XYLT1: variants seen among roughly 807,000 people sequenced by gnomAD.
XYLT1 encodes beta-D-xylosyltransferase 1.
In XYLT1, 36 loss-of-function variants were observed where a neutral mutation model predicts 91.3. The observed-to-expected ratio is 0.39, with a 90% confidence interval of 0.30 to 0.52. XYLT1 has a LOEUF of 0.52. Among genes scored for constraint, XYLT1 ranks in the 20% least tolerant of loss-of-function variants. The pLI is 0.68. For missense variants in XYLT1, 1,242 were observed against 1,284.5 expected (o/e 0.97, Z 0.51); for synonymous variants, 588 against 532.0 (o/e 1.11, Z -1.45).
At chr16:17,345,529 A>T (rs939236160) in intron 2 of XYLT1, among the ~76,000 whole-genome samples, 3 of 152,228 alleles carry the variant, frequency 2.0e-5, no homozygotes, top group Admixed American at 6.5e-5. Context: ...GGGGTGACGC[A>T]GCTTGCATTC....
intron 1 of XYLT1, among the ~76,000 whole-genome samples, chr16:17,423,559 C>G (rs192800859): frequency 2.6e-5 from 4 of 152,262 alleles, no homozygotes; most frequent in East Asian, 3.9e-4. Flanking sequence ...TACAACCTCA[C>G]TCCCCTGGGC....
chr16:17,210,655 TC>T (rs902011595), intron 3 of XYLT1, among the ~76,000 whole-genome samples: 36 of 152,150 alleles, frequency 2.4e-4, no homozygotes, highest in African/African-American at 8.7e-4. Context: ...CAAGTGATCT[TC>T]CCCCTTCAGC....
At chr16:17,455,640 T>C (rs2036730933) in intron 1 of XYLT1, among the ~76,000 whole-genome samples, 1 of 151,992 alleles carries the variant, frequency 6.6e-6, no homozygotes, top group Non-Finnish European at 1.5e-5. Context: ...TAGATTTAAA[T>C]TGTTTTCCTC....
At chr16:17,202,616 C>T (rs918961526) in intron 3 of XYLT1, among the ~76,000 whole-genome samples, 2 of 152,158 alleles carry the variant, frequency 1.3e-5, no homozygotes, top group Non-Finnish European at 2.9e-5. Flanking sequence ...AGTTCACAGT[C>T]CAAAAAGGGG....
chr16:17,242,969 G>A (rs2033370542), intron 3 of XYLT1, among the ~76,000 whole-genome samples: 1 of 152,224 alleles, frequency 6.6e-6, no homozygotes, highest in Non-Finnish European at 1.5e-5. Flanking sequence ...AGGCTGGCTA[G>A]TATTCCACTG....
intron 1 of XYLT1, among the ~76,000 whole-genome samples, chr16:17,358,579 C>T (rs1004043730): frequency 1.6e-4 from 25 of 152,162 alleles, no homozygotes; most frequent in Non-Finnish European, 2.1e-4. Flanking sequence ...CACTTCCTCT[C>T]ACGCACAAGT....
intron 5 of XYLT1, among the ~76,000 whole-genome samples, chr16:17,165,775 C>A (rs913344559): frequency 6.6e-6 from 1 of 152,182 alleles, no homozygotes; most frequent in Admixed American, 6.5e-5. Context: ...CTCCCCCTTA[C>A]AACTACTGCT....
chr16:17,470,305 A>C, intron 1 of XYLT1, 129 bp downstream of exon 1: 1 of 1,121,800 alleles, frequency 8.9e-7, no homozygotes, highest in Non-Finnish European at 1.1e-6. Context: ...CCGGGGCAAG[A>C]GGCGATGTGG....
intron 3 of XYLT1, among the ~76,000 whole-genome samples, chr16:17,209,120 C>A (rs540854119): frequency 8.5e-5 from 13 of 152,330 alleles, no homozygotes; most frequent in Non-Finnish European, 1.5e-4. Flanking sequence ...CTCTTTTCAT[C>A]TTGCAAAACT....
At chr16:17,254,777 A>G (rs1386703003) in intron 3 of XYLT1, among the ~76,000 whole-genome samples, 3 of 152,178 alleles carry the variant, frequency 2.0e-5, no homozygotes, top group South Asian at 2.1e-4. Context: ...TGTTACCAGT[A>G]AGCTTTCAGT....
intron 1 of XYLT1, among the ~76,000 whole-genome samples, chr16:17,416,037 G>A (rs1296472483): frequency 1.3e-5 from 2 of 152,222 alleles, no homozygotes; most frequent in Admixed American, 1.3e-4. Context: ...AGCAGGCAAT[G>A]AGAGGAGAGC....
intron 11 of XYLT1, among the ~76,000 whole-genome samples, chr16:17,110,875 T>A (rs1051337210): frequency 6.6e-6 from 1 of 152,194 alleles, no homozygotes; most frequent in Non-Finnish European, 1.5e-5. Flanking sequence ...ATTCAAACAA[T>A]TGGGCCAGGC....
At chr16:17,314,481 C>T (rs186295261) in intron 2 of XYLT1, among the ~76,000 whole-genome samples, 41 of 152,344 alleles carry the variant, frequency 2.7e-4, no homozygotes, top group African/African-American at 9.6e-4. Flanking sequence ...AGAAGTACCT[C>T]TCTGACTCCC....
chr16:17,197,919 G>T lies in XYLT1; in HGVS notation c.1289+293C>A, dbSNP rs77647453. On this transcript the variant is annotated intron_variant, in intron 5 of 11. Transcript: ENST00000261381. ...TATATACACCTATCCTGTTAGTTCT[G>T]TCCCTCTAGAGAACCCTAATATAAA... The T allele has an allele frequency of 6.8e-3, 3,097 of 457,814 alleles. 20 individuals carry two copies. The highest frequency in any genetic ancestry group is 0.022 in the Middle Eastern group (35 of 1,598). 28.4% of individuals were successfully genotyped at this position (457,814 alleles called of 1,614,324 possible).
At chr16:17,217,016 A>G (rs1241191396) in intron 3 of XYLT1, among the ~76,000 whole-genome samples, 1 of 152,216 alleles carries the variant, frequency 6.6e-6, no homozygotes, top group Non-Finnish European at 1.5e-5. Context: ...CAATGCCAGG[A>G]GCACTTGGAA....
At chr16:17,399,610 T>C (rs1053821477) in intron 1 of XYLT1, among the ~76,000 whole-genome samples, 3 of 152,200 alleles carry the variant, frequency 2.0e-5, no homozygotes, top group African/African-American at 7.2e-5. Flanking sequence ...GGAAAAATAA[T>C]GGCATTTTCT....
intron 6 of XYLT1, among the ~76,000 whole-genome samples, chr16:17,142,359 A>T (rs1322423634): frequency 6.6e-6 from 1 of 151,362 alleles, no homozygotes; most frequent in East Asian, 1.9e-4. Context: ...CACTGAATGT[A>T]TGGTACTACG....
rs1596565425 is a variant in XYLT1 at position 17,470,799 on chromosome 16, T to C, written c.-3A>G. On this transcript the variant is annotated 5_prime_UTR_variant, in exon 1 of 12. Coordinates refer to ENST00000261381, the MANE Select transcript of XYLT1 (RefSeq NM_022166.4). ...CGGGCGCACGGCGCCGCCACCATCT[T>C]CGGAGCGCGGCCGGCGAGCGAGGCG... The C allele has an allele frequency of 2.1e-6, 2 of 971,770 alleles. No individual in the cohort carries two copies. Among genetic ancestry groups the C allele is most frequent in the East Asian group, 1.3e-4 (1 of 7,998 alleles). 60.2% of individuals were successfully genotyped at this position (971,770 alleles called of 1,614,324 possible).
intron 11 of XYLT1, 92 bp from the exon 12 acceptor site, chr16:17,109,109 C>CAA: frequency 8.3e-7 from 1 of 1,206,496 alleles, no homozygotes; most frequent in African/African-American, 1.5e-5. Flanking sequence ...GCACTGGGTG[C>CAA]CATGCATCGC....
Sources: allele counts gnomAD v4.1 joint callset (sites outside exome capture counted in the v4.1 genomes callset), GRCh38; gene constraint gnomAD v4.1.1; transcripts MANE v1.5; gene names NCBI Gene and HGNC (gene_info 2026-07-23, HGNC 2026-07-21).